The following SRPK2 variants were observed in gnomAD, a reference collection of about 807,000 sequenced individuals.
The protein encoded by SRPK2 is SFRS protein kinase 2.
A neutral mutation model predicts 90.8 loss-of-function variants in SRPK2; 21 were observed. That is an observed-to-expected ratio of 0.23 (90% confidence interval 0.16 to 0.33). The LOEUF is 0.33. Among genes scored for constraint, SRPK2 ranks in the 10% least tolerant of loss-of-function variants. The probability of loss-of-function intolerance (pLI) is 1.00; values close to 1 mark genes in which losing one functional copy is unlikely to be tolerated. For synonymous variants in SRPK2, 288 were observed against 311.1 expected (o/e 0.93, Z 0.78); for missense variants, 620 against 869.0 (o/e 0.71, Z 3.60).
At chr7:105,231,496 T>C (rs1251316223) in intron 2 of SRPK2, among the ~76,000 whole-genome samples, 1 of 152,190 alleles carries the variant, frequency 6.6e-6, no homozygotes, top group Non-Finnish European at 1.5e-5. Context: ...ACCATACTGC[T>C]TTCCACAGTG....
intron 2 of SRPK2, among the ~76,000 whole-genome samples, chr7:105,383,256 G>C (rs909721582): frequency 4.0e-5 from 6 of 150,186 alleles, no homozygotes; most frequent in Non-Finnish European, 8.9e-5. Flanking sequence ...TTTTTTAGTA[G>C]AGACGGGGTT....
rs1554528823 is a variant in SRPK2, at chr7:105,379,156, A to AAAAT, written c.71+9491_71+9492insATTT. Reference sequence around the variant, plus strand: ...AAGCAAGACCCAGTCTCTAAAAAAAAATATATATATATATATAAAGTCAGC... The same window carrying AAAAT: ...AAGCAAGACCCAGTCTCTAAAAAAAAAAATATATATATATATATATAAAGTCAGC... On this transcript the variant is annotated intron_variant, in intron 2 of 15. Coordinates refer to ENST00000393651, the MANE Select transcript of SRPK2 (RefSeq NM_182692.3). Among the ~76,000 whole-genome samples the AAAAT allele has an allele frequency of 1.4e-4, 21 of 150,434 alleles. No homozygotes were observed. The East Asian group carries it at 2.9e-3, about 21-fold the overall frequency.
chr7:105,332,623 G>A (rs1024277686), intron 2 of SRPK2, among the ~76,000 whole-genome samples: 2 of 151,858 alleles, frequency 1.3e-5, no homozygotes, highest in Non-Finnish European at 2.9e-5. Context: ...ACTTAGCAAG[G>A]TGTGGTGGTG....
intron 2 of SRPK2, among the ~76,000 whole-genome samples, chr7:105,381,608 T>C (rs892909157): frequency 6.6e-6 from 1 of 152,232 alleles, no homozygotes; most frequent in African/African-American, 2.4e-5. Context: ...TCTTCTAGCA[T>C]CCAACACACA....
At chr7:105,272,528 C>T (rs1348442626) in intron 2 of SRPK2, among the ~76,000 whole-genome samples, 1 of 151,924 alleles carries the variant, frequency 6.6e-6, no homozygotes, top group Non-Finnish European at 1.5e-5. Context: ...AATGCTTTTA[C>T]ATTTGCTTTC....
At chr7:105,160,952 C>T (rs1040224728) in intron 6 of SRPK2, among the ~76,000 whole-genome samples, 20 of 151,682 alleles carry the variant, frequency 1.3e-4, no homozygotes, top group Non-Finnish European at 2.6e-4. Context: ...TTTTTTGAGA[C>T]GGAGTCTTGC....
chr7:105,371,407 A>G (rs569009620), intron 2 of SRPK2, among the ~76,000 whole-genome samples: 1 of 152,056 alleles, frequency 6.6e-6, no homozygotes, highest in African/African-American at 2.4e-5. Context: ...GCAAACAGGT[A>G]GTTTACAAAA....
intron 2 of SRPK2, among the ~76,000 whole-genome samples, chr7:105,263,875 T>C (rs1563165016): frequency 6.6e-6 from 1 of 152,040 alleles, no homozygotes; most frequent in Non-Finnish European, 1.5e-5. Flanking sequence ...AAATAAAGAA[T>C]TGAGTGATGA....
At chr7:105,141,339 C>G (rs1803741543) in intron 11 of SRPK2, among the ~76,000 whole-genome samples, 1 of 152,158 alleles carries the variant, frequency 6.6e-6, no homozygotes, top group African/African-American at 2.4e-5. Flanking sequence ...GCTTTTCCCC[C>G]ATAAGCCAGT....
intron 2 of SRPK2, among the ~76,000 whole-genome samples, chr7:105,375,981 T>TTC (rs1315185707): frequency 1.6e-4 from 21 of 131,364 alleles, no homozygotes; most frequent in African/African-American, 5.1e-4. Flanking sequence ...GAGAATTCAT[T>TTC]TCTTTTTTTT....
chr7:105,229,226 G>A (rs1202033633), intron 2 of SRPK2, among the ~76,000 whole-genome samples: 2 of 152,154 alleles, frequency 1.3e-5, no homozygotes, highest in Non-Finnish European at 2.9e-5. Context: ...CACTTTGGGA[G>A]GCCGTCGCGG....
chr7:105,277,115 C>T (rs907112085), intron 2 of SRPK2, among the ~76,000 whole-genome samples: 3 of 152,088 alleles, frequency 2.0e-5, no homozygotes, highest in Admixed American at 2.0e-4. Flanking sequence ...CTCACTCTGT[C>T]GCCCAGGCTG....
downstream of SRPK2, chr7:105,115,373 G>GATCTT (rs1339777117): frequency 1.3e-5 from 2 of 152,180 alleles, no homozygotes; most frequent in African/African-American, 4.8e-5. Context: ...TGACTCGGAA[G>GATCTT]ATCTTATATC....
At chr7:105,210,590 G>GCAATGACCCT (rs919154872) in intron 2 of SRPK2, among the ~76,000 whole-genome samples, 4 of 152,156 alleles carry the variant, frequency 2.6e-5, no homozygotes, top group Non-Finnish European at 4.4e-5. Context: ...ACCTAAATGT[G>GCAATGACCCT]CAATGACCCT....
chr7:105,311,170 A>C (rs1318497484), intron 2 of SRPK2, among the ~76,000 whole-genome samples: 1 of 152,222 alleles, frequency 6.6e-6, no homozygotes. Flanking sequence ...AGAGTATGTA[A>C]AGAACTCTTA....
At chr7:105,388,357 G>A (rs1335047547) in intron 2 of SRPK2, among the ~76,000 whole-genome samples, 1 of 150,700 alleles carries the variant, frequency 6.6e-6, no homozygotes, top group Non-Finnish European at 1.5e-5. Context: ...CGCACGCCCT[G>A]CCCGGCGCCT....
intron 3 of SRPK2, among the ~76,000 whole-genome samples, chr7:105,171,779 T>A (rs1240471277): frequency 6.6e-6 from 1 of 152,248 alleles, no homozygotes; most frequent in African/African-American, 2.4e-5. Context: ...ATGAACTAAA[T>A]GATAGTGAAT....
At chr7:105,226,964 A>G (rs1017664942) in intron 2 of SRPK2, among the ~76,000 whole-genome samples, 2 of 152,120 alleles carry the variant, frequency 1.3e-5, no homozygotes, top group Non-Finnish European at 2.9e-5. Context: ...ATAAAGAGAG[A>G]GCGAGCAGTG....
rs552067183 is a variant in SRPK2 at position 105,123,727 on chromosome 7, C to T, written c.1915+2521G>A. On this transcript the variant is annotated intron_variant, in intron 15 of 15. Coordinates refer to ENST00000393651, the MANE Select transcript of SRPK2 (RefSeq NM_182692.3). ...CATTCCTCATAATGTTATCCTGTGA[C>T]TTCTGTAAAAACCCTAAATCCCTTC... Among the ~76,000 whole-genome samples, 3 of 152,170 alleles carry T rather than the reference C, an allele frequency of 2.0e-5. No homozygotes were observed. In the South Asian group the frequency reaches 6.2e-4, roughly 32 times the overall value.
Sources: allele counts gnomAD v4.1 joint callset (sites outside exome capture counted in the v4.1 genomes callset), GRCh38; gene constraint gnomAD v4.1.1; transcripts MANE v1.5; gene names NCBI Gene and HGNC (gene_info 2026-07-23, HGNC 2026-07-21).